The following ZBTB20 variants were observed in gnomAD, a reference collection of about 807,000 sequenced individuals.
ZBTB20 encodes zinc finger and BTB domain-containing protein 20.
ZBTB20 carries 9 observed loss-of-function variants against 56.9 expected under a neutral mutation model. The ratio of observed to expected loss-of-function variants is 0.16; its 90% CI spans 0.10 to 0.28. ZBTB20 has a LOEUF of 0.28. Ranked by LOEUF, ZBTB20 falls within the 10% of genes least tolerant of loss-of-function variation. The pLI is 1.00. For missense variants in ZBTB20, 655 were observed against 1,003.0 expected, an observed-to-expected ratio of 0.65 and a Z score of 4.69; for synonymous variants, 417 against 420.7, an observed-to-expected ratio of 0.99 and a Z score of 0.11.
At chr3:114,355,793 T>G (rs1371466957) in intron 10 of ZBTB20, among the ~76,000 whole-genome samples, 1 of 151,778 alleles carries the variant, frequency 6.6e-6, no homozygotes, top group Non-Finnish European at 1.5e-5. Context: ...ACTCTATTCT[T>G]TCTTAGATTG....
rs181278658 is a variant in ZBTB20 at position 115,025,866 on chromosome 3, A to C, written c.-507+45353T>G. On this transcript the variant is annotated intron_variant, in intron 2 of 11. Transcript: ENST00000675478. Reference sequence around the variant, plus strand: ...TAAAGGAGTTTCTCTTATATTTCTAAATATAAGAGAAATATATAAAATATA... The same window carrying C: ...TAAAGGAGTTTCTCTTATATTTCTACATATAAGAGAAATATATAAAATATA... 5.1e-3 allele frequency among the ~76,000 whole-genome samples: 756 copies of C among 148,950 alleles called. 3 individuals are homozygous for C. The highest frequency in any genetic ancestry group is 0.017 in the African/African-American group (717 of 41,100).
Position 114,389,887 on chromosome 3 carries a change from CAAAA to C in ZBTB20, c.-254-786_-254-783del, listed in dbSNP as rs34247337. On this transcript the variant is annotated intron_variant, in intron 7 of 11. Coordinates refer to ENST00000675478, the MANE Select transcript of ZBTB20 (RefSeq NM_001348800.3). ...CTGGCAACAGAGCAAGAGTCCATCT[CAAAA>C]AAAAAAAAAAAAAAAAAAGAATTAC... 6.4e-5 allele frequency among the ~76,000 whole-genome samples: 5 copies of C among 77,626 alleles called. No individual in the cohort carries two copies. In the East Asian group the frequency reaches 1.2e-3, roughly 18 times the overall value. The allele number at this position is 77,626 out of a possible 152,430, so 50.9% of individuals were successfully genotyped here. A position where few individuals can be genotyped will look rare whatever the true frequency, so the allele number is the denominator to read the frequency against.
intron 1 of ZBTB20, among the ~76,000 whole-genome samples, chr3:115,075,855 T>C (rs1187761342): frequency 6.6e-6 from 1 of 151,996 alleles, no homozygotes; most frequent in Non-Finnish European, 1.5e-5. Context: ...GTTGGTAGAG[T>C]CTATGCTTTT....
intron 5 of ZBTB20, among the ~76,000 whole-genome samples, chr3:114,782,063 T>G (rs2070145833): frequency 1.3e-5 from 2 of 152,168 alleles, no homozygotes; most frequent in Admixed American, 1.3e-4. Context: ...GCATACATCT[T>G]CTGATATGGA....
chr3:114,344,916 C>A (rs1281668003), intron 11 of ZBTB20, among the ~76,000 whole-genome samples: 1 of 152,032 alleles, frequency 6.6e-6, no homozygotes, highest in African/African-American at 2.4e-5. Context: ...TAAAAACAGT[C>A]ACCAGTGAAC....
At chr3:114,498,453 G>A (rs1470678323) in intron 7 of ZBTB20, among the ~76,000 whole-genome samples, 1 of 152,132 alleles carries the variant, frequency 6.6e-6, no homozygotes, top group Non-Finnish European at 1.5e-5. Flanking sequence ...AAGGGACATT[G>A]GACATTTCTT....
At chr3:115,014,858 AAAGAC>A (rs916263504) in intron 2 of ZBTB20, among the ~76,000 whole-genome samples, 6 of 151,774 alleles carry the variant, frequency 4.0e-5, no homozygotes, top group African/African-American at 7.3e-5. Flanking sequence ...TGTCAAGGAG[AAAGAC>A]AAGACAATAC....
At chr3:114,687,552 G>T (rs906944900) in intron 6 of ZBTB20, 1 of 150,276 alleles carries the variant, frequency 6.7e-6, no homozygotes. Context: ...CAATCCATAG[G>T]GAGATTTACT....
intron 3 of ZBTB20, among the ~76,000 whole-genome samples, chr3:114,963,945 GT>G (rs895056116): frequency 2.6e-5 from 4 of 152,120 alleles, no homozygotes; most frequent in Admixed American, 1.3e-4. Flanking sequence ...CTATATTTTT[GT>G]TATGGATAAA....
At chr3:115,022,423 T>C (rs1287759172) in intron 2 of ZBTB20, among the ~76,000 whole-genome samples, 1 of 151,052 alleles carries the variant, frequency 6.6e-6, no homozygotes, top group East Asian at 1.9e-4. Flanking sequence ...GTGCGAACAA[T>C]GTTGACCTTC....
intron 4 of ZBTB20, among the ~76,000 whole-genome samples, chr3:114,827,776 A>G (rs1237010947): frequency 2.0e-5 from 3 of 151,718 alleles, no homozygotes; most frequent in Admixed American, 6.6e-5. Flanking sequence ...TATTGCTTAG[A>G]TAATATATTC....
At chr3:114,794,727 C>G (rs1225800492) in intron 5 of ZBTB20, among the ~76,000 whole-genome samples, 1 of 151,950 alleles carries the variant, frequency 6.6e-6, no homozygotes, top group East Asian at 1.9e-4. Context: ...AAACCAATAT[C>G]TCTATTCTGG....
At chr3:114,437,583 C>G (rs1037826114) in intron 7 of ZBTB20, among the ~76,000 whole-genome samples, 1 of 152,116 alleles carries the variant, frequency 6.6e-6, no homozygotes, top group Non-Finnish European at 1.5e-5. Context: ...ATCCTTCCAA[C>G]AGCCCTGAAG....
intron 7 of ZBTB20, among the ~76,000 whole-genome samples, chr3:114,486,135 TGTG>T (rs1388743809): frequency 2.5e-3 from 18 of 7,090 alleles, no homozygotes; most frequent in Admixed American, 4.6e-3. Context: ...TGTGTGTGTG[TGTG>T]GGGGGGGGGG....
intron 4 of ZBTB20, among the ~76,000 whole-genome samples, chr3:114,803,152 G>C (rs1326063389): frequency 1.4e-5 from 2 of 139,276 alleles, no homozygotes; most frequent in Non-Finnish European, 3.1e-5. Flanking sequence ...TTTTTCTCTT[G>C]GTGAGGGTAA....
At chr3:114,460,053 G>A (rs1367938930) in intron 7 of ZBTB20, among the ~76,000 whole-genome samples, 3 of 152,084 alleles carry the variant, frequency 2.0e-5, no homozygotes, top group African/African-American at 7.2e-5. Flanking sequence ...ACAAGCTTAA[G>A]GTAAAAAAAC....
chr3:115,142,284 C>G (rs918279612), intron 1 of ZBTB20, among the ~76,000 whole-genome samples: 6 of 152,104 alleles, frequency 3.9e-5, no homozygotes, highest in Admixed American at 6.6e-5. Flanking sequence ...AAACACACAT[C>G]GATCAACCAT....
chr3:115,116,732 C>A (rs1309328217), intron 1 of ZBTB20, among the ~76,000 whole-genome samples: 1 of 151,704 alleles, frequency 6.6e-6, no homozygotes, highest in South Asian at 2.1e-4. Context: ...GAGACAGAGA[C>A]AGAGAGAAAG....
At chr3:114,863,982 G>A (rs1002451955) in intron 4 of ZBTB20, among the ~76,000 whole-genome samples, 1 of 151,936 alleles carries the variant, frequency 6.6e-6, no homozygotes, top group Non-Finnish European at 1.5e-5. Flanking sequence ...GTTCTGTAAT[G>A]CTGAGAAAAC....
Sources: allele counts gnomAD v4.1 joint callset (sites outside exome capture counted in the v4.1 genomes callset), GRCh38; gene constraint gnomAD v4.1.1; transcripts MANE v1.5; gene names NCBI Gene and HGNC (gene_info 2026-07-23, HGNC 2026-07-21).